JAM3: variants seen among roughly 807,000 people sequenced by gnomAD.
The protein encoded by JAM3 is junctional adhesion molecule 3.
In JAM3, 31 loss-of-function variants were observed where a neutral mutation model predicts 39.4. The observed-to-expected ratio is 0.79, with a 90% CI of 0.59 to 1.06. The LOEUF (loss-of-function observed/expected upper bound fraction) is 1.06, where lower values mean the gene tolerates loss of function less well. Ranked by LOEUF, JAM3 falls within the 50% of genes least tolerant of loss-of-function variation. The probability of loss-of-function intolerance (pLI) is 0.00; values close to 1 mark genes in which losing one functional copy is unlikely to be tolerated. For missense variants in JAM3, 455 were observed against 391.4 expected, an observed-to-expected ratio of 1.16 and a Z score of -1.37; for synonymous variants, 182 against 148.7, an observed-to-expected ratio of 1.22 and a Z score of -1.63.
At chr11:134,093,110 G>A (rs551853976) in intron 1 of JAM3, among the ~76,000 whole-genome samples, 2 of 123,340 alleles carry the variant, frequency 1.6e-5, no homozygotes, top group African/African-American at 3.3e-5. Flanking sequence ...ACTTCCTGAG[G>A]GAAGCTTCTC....
At chr11:134,072,736 C>T (rs1941502308) in intron 1 of JAM3, among the ~76,000 whole-genome samples, 1 of 152,112 alleles carries the variant, frequency 6.6e-6, no homozygotes, top group African/African-American at 2.4e-5. Flanking sequence ...ATGATGAAGC[C>T]CTGTCTCTAC....
intron 1 of JAM3, among the ~76,000 whole-genome samples, chr11:134,119,172 C>G (rs1050646639): frequency 6.6e-6 from 1 of 152,034 alleles, no homozygotes; most frequent in African/African-American, 2.4e-5. Flanking sequence ...GTGATCTGCC[C>G]TCCTCAGTCT....
At chr11:134,108,302 A>G (rs1222951324) in intron 1 of JAM3, among the ~76,000 whole-genome samples, 1 of 152,048 alleles carries the variant, frequency 6.6e-6, no homozygotes, top group South Asian at 2.1e-4. Context: ...TAAAAAAAAA[A>G]CTGCCCACAA....
At position 134,091,429 on chromosome 11, in the gene JAM3, G is replaced by T. The variant is rs1256998687; in HGVS notation, c.76+22270G>T. Among the ~76,000 whole-genome samples the T allele has an allele frequency of 1.8e-4, 27 of 152,102 alleles. 1 individual carries two copies. The highest frequency in any genetic ancestry group is 1.9e-4 in the East Asian group (1 of 5,182). On this transcript the variant is annotated intron_variant, in intron 1 of 8. Coordinates refer to ENST00000299106, the MANE Select transcript of JAM3 (RefSeq NM_032801.5). ...AGAATCGCTTCCCAGAACCTGGGAG[G>T]TGGAGGTTGCAGTGAGCCGAGATCG...
At chr11:134,145,313 G>C (rs1459618291) in intron 5 of JAM3, 1 of 453,256 alleles carries the variant, frequency 2.2e-6, no homozygotes. Context: ...TTACTAGGTG[G>C]TATTTGATGA....
At chr11:134,069,414 C>G (rs1941450556) in intron 1 of JAM3, among the ~76,000 whole-genome samples, 1 of 152,130 alleles carries the variant, frequency 6.6e-6, no homozygotes, top group Non-Finnish European at 1.5e-5. Context: ...ATGGGGGGCC[C>G]GTCCCAGGCA....
intron 1 of JAM3, among the ~76,000 whole-genome samples, chr11:134,130,517 T>C (rs1463464212): frequency 1.3e-5 from 2 of 152,206 alleles, no homozygotes; most frequent in Non-Finnish European, 1.5e-5. Flanking sequence ...TCCAAGCTCC[T>C]GTTCACCAGC....
intron 1 of JAM3, among the ~76,000 whole-genome samples, chr11:134,110,705 G>T (rs1942291946): frequency 1.5e-5 from 2 of 136,666 alleles, no homozygotes; most frequent in South Asian, 2.2e-4. Context: ...TTTGAGGGTG[G>T]TGGGTAGGTC....
At chr11:134,120,855 G>T (rs1942517862) in intron 1 of JAM3, among the ~76,000 whole-genome samples, 1 of 152,168 alleles carries the variant, frequency 6.6e-6, no homozygotes, top group African/African-American at 2.4e-5. Flanking sequence ...CTCAATATCT[G>T]TTATGGCTTA....
At chr11:134,103,966 A>G (rs540958555) in intron 1 of JAM3, among the ~76,000 whole-genome samples, 3 of 152,300 alleles carry the variant, frequency 2.0e-5, no homozygotes, top group African/African-American at 7.2e-5. Context: ...CAAAGTTAAC[A>G]AGGATATCCA....
chr11:134,127,779 G>A lies in JAM3; in HGVS notation c.77-12072G>A. 1.3e-5 allele frequency among the ~76,000 whole-genome samples: 2 copies of A among 152,330 alleles called. 1 individual carries two copies. The highest frequency in any genetic ancestry group is 4.8e-5 in the African/African-American group (2 of 41,568). On this transcript the variant is annotated intron_variant, in intron 1 of 8. Coordinates refer to ENST00000299106, the MANE Select transcript of JAM3 (RefSeq NM_032801.5). Reference sequence around the variant, plus strand: ...ATTTCTAACAAGTAGGCACAACAGAGAATGGAGTGACAACCGCTGCTCCTA... The same window carrying A: ...ATTTCTAACAAGTAGGCACAACAGAAAATGGAGTGACAACCGCTGCTCCTA...
At chr11:134,148,344 T>C (rs944960211) in intron 6 of JAM3, 4 of 624,430 alleles carry the variant, frequency 6.4e-6, no homozygotes, top group East Asian at 2.8e-5. Context: ...TCAGTACTTT[T>C]CACGTGTGAA....
chr11:134,150,695 C>G lies in JAM3; in HGVS notation c.*1514C>G, dbSNP rs1300387130. 6.6e-6 allele frequency: 1 copy of G among 151,894 alleles called. No homozygotes were observed. The highest frequency in any genetic ancestry group is 1.5e-5 in the Non-Finnish European group (1 of 67,998). The allele number at this position is 151,894 out of a possible 1,614,324, so 9.4% of individuals were successfully genotyped here. On this transcript the variant is annotated 3_prime_UTR_variant, in exon 9 of 9. Coordinates refer to ENST00000299106, the MANE Select transcript of JAM3 (RefSeq NM_032801.5). ...TGTTAAGATTGTCTAAGGCCAAAGG[C>G]AATTGCGAAATCAAGTCTGTCAAGT...
At position 134,151,190 on chromosome 11, in the gene JAM3, CTTT is replaced by C. The variant is rs368777017; in HGVS notation, c.*2015_*2017del. On this transcript the variant is annotated 3_prime_UTR_variant, in exon 9 of 9. Coordinates refer to ENST00000299106, the MANE Select transcript of JAM3 (RefSeq NM_032801.5). The stretch of plus-strand genomic sequence containing the variant: ...TCTTGGGTTTTTTATACTTTGACAG[CTTT>C]TTTTTAATTGCATACATGAGACTGT... The C allele has an allele frequency of 6.6e-6, 1 of 152,130 alleles. No homozygotes were observed. The highest frequency in any genetic ancestry group is 1.5e-5 in the Non-Finnish European group (1 of 68,022). 9.4% of individuals were successfully genotyped at this position (152,130 alleles called of 1,614,324 possible). A position where few individuals can be genotyped will look rare whatever the true frequency, so the allele number is the denominator to read the frequency against.
chr11:134,104,106 A>G (rs1942133341), intron 1 of JAM3, among the ~76,000 whole-genome samples: 1 of 152,232 alleles, frequency 6.6e-6, no homozygotes, highest in African/African-American at 2.4e-5. Flanking sequence ...ACATACTTGG[A>G]AGTAAAGCAC....
intron 1 of JAM3, among the ~76,000 whole-genome samples, chr11:134,115,075 C>G (rs778997975): frequency 3.3e-5 from 5 of 152,086 alleles, no homozygotes; most frequent in Non-Finnish European, 5.9e-5. Context: ...GATGAATTGA[C>G]CTCTTTATCG....
intron 1 of JAM3, among the ~76,000 whole-genome samples, chr11:134,098,352 T>TAA (rs930727167): frequency 3.3e-5 from 5 of 152,094 alleles, no homozygotes; most frequent in Non-Finnish European, 7.4e-5. Context: ...TCTTTTAATT[T>TAA]AAAAAAAGCT....
chr11:134,077,698 C>T (rs1286497275), intron 1 of JAM3, among the ~76,000 whole-genome samples: 2 of 144,916 alleles, frequency 1.4e-5, no homozygotes, highest in African/African-American at 2.6e-5. Flanking sequence ...CTCTTTCGCC[C>T]ATGCTGGAAT....
At chr11:134,071,328 C>T (rs149822358) in intron 1 of JAM3, among the ~76,000 whole-genome samples, 1 of 152,212 alleles carries the variant, frequency 6.6e-6, no homozygotes, top group African/African-American at 2.4e-5. Context: ...TTATCCTGTG[C>T]GTTTTAAATG....
Sources: gnomAD v4.1 joint callset for allele counts (sites outside exome capture counted in the v4.1 genomes callset) on GRCh38, gnomAD v4.1.1 for gene constraint, MANE v1.5 for transcripts, NCBI Gene and HGNC (gene_info 2026-07-23, HGNC 2026-07-21) for gene names.